Variants in NF2 observed in about 807,000 individuals in gnomAD.
NF2 encodes the protein NF2, moesin-ezrin-radixin like (MERLIN) tumor suppressor, also known as merlin.
NF2 carries 8 observed loss-of-function variants against 83.7 expected under a neutral mutation model. The observed-to-expected ratio is 0.10, with a 90% confidence interval of 0.06 to 0.17. The LOEUF (loss-of-function observed/expected upper bound fraction) is 0.17. NF2 is among the 10% of genes least tolerant of loss of function. NF2 has a pLI of 1.00. For synonymous variants in NF2, 266 were observed against 269.6 expected (o/e 0.99, Z 0.13); for missense variants, 533 against 744.4 (o/e 0.72, Z 3.31).
chr22:29,625,118 G>A (rs928122456), intron 1 of NF2, among the ~76,000 whole-genome samples: 2 of 151,816 alleles, frequency 1.3e-5, no homozygotes, highest in African/African-American at 2.4e-5. Context: ...TAGGAGAGAC[G>A]GGGTTTCACC....
At chr22:29,609,435 T>C in intron 1 of NF2, 3 of 429,256 alleles carry the variant, frequency 7.0e-6, no homozygotes, top group East Asian at 5.2e-5. Flanking sequence ...GTGAAGACCC[T>C]AGATCTGTGA....
chr22:29,683,721 C>A (rs1166703093), intron 15 of NF2: 2 of 1,070,256 alleles, frequency 1.9e-6, no homozygotes, highest in African/African-American at 3.3e-5. Context: ...ATAGGCTGAG[C>A]AGAGATGTGG....
intron 1 of NF2, among the ~76,000 whole-genome samples, chr22:29,634,099 G>T (rs754992210): frequency 6.6e-6 from 1 of 152,200 alleles, no homozygotes; most frequent in African/African-American, 2.4e-5. Context: ...TAGGGTCTGC[G>T]GTTTGCCTAT....
Position 29,692,110 on chromosome 22 carries a change from G to A in NF2, c.1738-2642G>A, listed in dbSNP as rs146285812. On this transcript the variant is annotated intron_variant, in intron 15 of 15. Transcript: ENST00000338641. ...GTCTAAGGGGCGAGCAGCAGTGGCCGAAGGCTCCCAGGGCCCTCGGGCAGC... is the reference window on the plus strand; with the variant it reads ...GTCTAAGGGGCGAGCAGCAGTGGCCAAAGGCTCCCAGGGCCCTCGGGCAGC... 2.4e-4 allele frequency among the ~76,000 whole-genome samples: 36 copies of A among 152,280 alleles called. 1 individual carries two copies. Among genetic ancestry groups the A allele is most frequent in the African/African-American group, 7.7e-4 (32 of 41,558 alleles).
Position 29,681,706 on chromosome 22 carries a change from A to ATC in NF2, c.1737+107_1737+108dup. On this transcript the variant is annotated intron_variant, in intron 15 of 15. Coordinates refer to ENST00000338641, the MANE Select transcript of NF2 (RefSeq NM_000268.4). ...GTAGCCAAGTCACTAGACTATTGGC[A>ATC]TCTTTTGTATGTACTTAGTTGAGGA... 9 of 1,390,798 alleles carry ATC rather than the reference A, an allele frequency of 6.5e-6. No individual in the cohort carries two copies. The South Asian group carries it at 9.4e-5, about 15-fold the overall frequency. The allele number at this position is 1,390,798 out of a possible 1,614,324, so 86.2% of individuals were successfully genotyped here.
chr22:29,640,806 G>A (rs770800735), intron 3 of NF2, among the ~76,000 whole-genome samples: 10 of 152,044 alleles, frequency 6.6e-5, no homozygotes, highest in Non-Finnish European at 1.3e-4. Context: ...CGCAAAAGAG[G>A]TGACAAATTT....
At chr22:29,620,645 A>T (rs1298342894) in intron 1 of NF2, among the ~76,000 whole-genome samples, 1 of 151,968 alleles carries the variant, frequency 6.6e-6, no homozygotes, top group Non-Finnish European at 1.5e-5. Flanking sequence ...AGGCTGAGGC[A>T]GGATAATTGC....
chr22:29,678,113 G>A (rs2067019073), intron 13 of NF2, 83 bp from the exon 14 acceptor site: 7 of 1,591,566 alleles, frequency 4.4e-6, no homozygotes, highest in Middle Eastern at 1.7e-4. Context: ...CTCTGTGGCT[G>A]CTGGAGGATC....
At chr22:29,670,331 A>T (rs1202429420) in intron 10 of NF2, among the ~76,000 whole-genome samples, 1 of 149,700 alleles carries the variant, frequency 6.7e-6, no homozygotes, top group Non-Finnish European at 1.5e-5. Flanking sequence ...TTTCTTTCTT[A>T]GTTTCTTTTT....
intron 1 of NF2, chr22:29,609,004 C>G: frequency 1.5e-6 from 1 of 673,190 alleles, no homozygotes; most frequent in Non-Finnish European, 2.8e-6. Flanking sequence ...TTATCTCCAC[C>G]GGAATGTAAT....
intron 1 of NF2, among the ~76,000 whole-genome samples, chr22:29,624,795 G>C (rs1022088666): frequency 6.8e-6 from 1 of 147,928 alleles, no homozygotes; most frequent in Non-Finnish European, 1.5e-5. Context: ...CTTGTTGAAG[G>C]GTCCTCTTTC....
At chr22:29,657,616 TACC>T (rs2066351402) in intron 6 of NF2, among the ~76,000 whole-genome samples, 1 of 152,220 alleles carries the variant, frequency 6.6e-6, no homozygotes, top group Non-Finnish European at 1.5e-5. Flanking sequence ...TTCAGTATGA[TACC>T]TGTTTGGGAG....
At chr22:29,685,865 G>A (rs1034619993) in intron 15 of NF2, among the ~76,000 whole-genome samples, 10 of 152,158 alleles carry the variant, frequency 6.6e-5, no homozygotes, top group African/African-American at 2.4e-4. Context: ...CATTCCCTGA[G>A]GAATGCTGAG....
At chr22:29,643,705 C>T (rs977231077) in intron 4 of NF2, among the ~76,000 whole-genome samples, 8 of 152,200 alleles carry the variant, frequency 5.3e-5, no homozygotes, top group Non-Finnish European at 7.3e-5. Context: ...TACACAGACA[C>T]GGCAACCATC....
chr22:29,624,942 T>TTTTTCTTTCTTTCTC, intron 1 of NF2, among the ~76,000 whole-genome samples: 1 of 151,264 alleles, frequency 6.6e-6, no homozygotes, highest in African/African-American at 2.4e-5. Flanking sequence ...TCTTTCTTTC[T>TTTTTCTTTCTTTCTC]TTTTCTTTCT....
intron 5 of NF2, among the ~76,000 whole-genome samples, chr22:29,655,138 A>G (rs1202276780): frequency 1.3e-5 from 2 of 152,168 alleles, no homozygotes; most frequent in Non-Finnish European, 2.9e-5. Context: ...TTCATTAGCC[A>G]CAGAAGCAGG....
intron 15 of NF2, chr22:29,682,870 C>T: frequency 1.2e-6 from 1 of 866,876 alleles, no homozygotes; most frequent in Non-Finnish European, 1.9e-6. Context: ...AGTGTGAGAG[C>T]TGGAGAGACC....
intron 15 of NF2, chr22:29,683,837 C>G: frequency 9.4e-7 from 1 of 1,058,756 alleles, no homozygotes; most frequent in South Asian, 4.6e-5. Context: ...TCTCCTGCAA[C>G]AGTTCATTAT....
At chr22:29,612,196 G>A (rs928537442) in intron 1 of NF2, among the ~76,000 whole-genome samples, 4 of 151,926 alleles carry the variant, frequency 2.6e-5, no homozygotes, top group Non-Finnish European at 5.9e-5. Flanking sequence ...TTAGTATAGA[G>A]GGGGTTTCAC....
Sources: allele counts gnomAD v4.1 joint callset (sites outside exome capture counted in the v4.1 genomes callset), GRCh38; gene constraint gnomAD v4.1.1; transcripts MANE v1.5; gene names NCBI Gene and HGNC (gene_info 2026-07-23, HGNC 2026-07-21).